ZC3H12B: variants seen among roughly 807,000 people sequenced by gnomAD.
ZC3H12B encodes zinc finger CCCH-type containing 12B.
In ZC3H12B, 7 loss-of-function variants were observed where a neutral mutation model predicts 43.9. The observed-to-expected ratio is 0.16, with a 90% CI of 0.09 to 0.30. ZC3H12B has a LOEUF of 0.30. ZC3H12B is among the 10% of genes least tolerant of loss of function. The pLI, the probability that ZC3H12B is intolerant of heterozygous loss-of-function variation, is 1.00. For missense variants in ZC3H12B, 475 were observed against 670.2 expected, an observed-to-expected ratio of 0.71 and a Z score of 3.22; for synonymous variants, 222 against 241.7, an observed-to-expected ratio of 0.92 and a Z score of 0.76.
the ZC3H12B span, among the ~76,000 whole-genome samples, chrX:65,233,479 CAAAT>C: frequency 9.3e-6 from 1 of 107,532 alleles, no homozygotes; most frequent in Admixed American, 1.0e-4. Flanking sequence ...GGAAATTAAA[CAAAT>C]GTGCTCCTGA....
the ZC3H12B span, among the ~76,000 whole-genome samples, chrX:65,265,735 G>A: frequency 9.0e-6 from 1 of 111,521 alleles, no homozygotes; most frequent in African/African-American, 3.3e-5. Context: ...TGTTTCTGTT[G>A]TTTGTAACTT....
In ZC3H12B at chrX:65,408,473, C is replaced by T. The variant is rs986793442; in HGVS notation, n.407+9769C>T. ...CATCGGGCAGCAGCAGTTGCAAGCT[C>T]AGCATCTTTCTTATGGCCACGGACC... On this transcript the variant is annotated intron_variant and non_coding_transcript_variant, in intron 3 of 5. Transcript: ENST00000617377. 59 of 1,209,491 alleles carry T rather than the reference C, an allele frequency of 4.9e-5. No homozygotes were observed. The Middle Eastern group carries it at 1.2e-3, about 24-fold the overall frequency.
At chrX:65,215,233 C>G in the ZC3H12B span, among the ~76,000 whole-genome samples, 9 of 111,704 alleles carry the variant, frequency 8.1e-5, no homozygotes, top group Non-Finnish European at 1.5e-4. Flanking sequence ...TAGCCCCTAA[C>G]AAGAGTCATC....
chrX:65,488,221 G>A (rs760705793), upstream of ZC3H12B, among the ~76,000 whole-genome samples: 74 of 110,922 alleles, frequency 6.7e-4, no homozygotes, highest in African/African-American at 2.0e-3. Context: ...AGGATATGGT[G>A]TGGGATCTGG....
the ZC3H12B span, among the ~76,000 whole-genome samples, chrX:65,095,262 G>A: frequency 9.0e-6 from 1 of 111,723 alleles, no homozygotes; most frequent in East Asian, 2.8e-4. Flanking sequence ...TGATGTTACA[G>A]AATCATGAGT....
At chrX:65,369,856 C>A (rs1008002214) in intron 2 of ZC3H12B, among the ~76,000 whole-genome samples, 1 of 111,898 alleles carries the variant, frequency 8.9e-6, no homozygotes, top group South Asian at 3.7e-4. Flanking sequence ...TTAATTCTGA[C>A]TGATTCTAGA....
chrX:65,257,545 T>C, the ZC3H12B span, among the ~76,000 whole-genome samples: 1 of 110,662 alleles, frequency 9.0e-6, no homozygotes, highest in South Asian at 3.9e-4. Flanking sequence ...GGCACATGTA[T>C]ACCTATGTAA....
At chrX:65,169,698 C>G in the ZC3H12B span, among the ~76,000 whole-genome samples, 3 of 111,888 alleles carry the variant, frequency 2.7e-5, no homozygotes, top group Non-Finnish European at 5.6e-5. Flanking sequence ...TATGGACTTA[C>G]TTTATGAATC....
At chrX:65,426,736 C>T (rs758976203) in intron 3 of ZC3H12B, among the ~76,000 whole-genome samples, 2 of 111,939 alleles carry the variant, frequency 1.8e-5, no homozygotes, top group Non-Finnish European at 3.8e-5. Flanking sequence ...ACCCAAGAGT[C>T]ATTCAGTAGA....
the ZC3H12B span, among the ~76,000 whole-genome samples, chrX:65,272,083 G>A: frequency 3.7e-4 from 41 of 109,439 alleles, no homozygotes; most frequent in African/African-American, 1.2e-3. Flanking sequence ...GCATGGTGGC[G>A]GGTGCCTGTA....
chrX:65,405,267 T>C (rs1191026692), intron 3 of ZC3H12B, among the ~76,000 whole-genome samples: 1 of 112,386 alleles, frequency 8.9e-6, no homozygotes, highest in Non-Finnish European at 1.9e-5. Context: ...AACAATCTAA[T>C]GATACATCTT....
At chrX:65,314,508 TG>T in the ZC3H12B span, among the ~76,000 whole-genome samples, 1 of 112,026 alleles carries the variant, frequency 8.9e-6, no homozygotes, top group Non-Finnish European at 1.9e-5. Flanking sequence ...ATTGTTAAAG[TG>T]CTGAATAAAT....
chrX:65,254,999 C>T, the ZC3H12B span, among the ~76,000 whole-genome samples: 3 of 109,899 alleles, frequency 2.7e-5, no homozygotes, highest in Non-Finnish European at 5.7e-5. Context: ...TAACTCAGAC[C>T]AAAAAATAAA....
At chrX:65,246,588 G>A in the ZC3H12B span, among the ~76,000 whole-genome samples, 1 of 111,900 alleles carries the variant, frequency 8.9e-6, no homozygotes, top group Admixed American at 9.5e-5. Context: ...ACAGAATAGA[G>A]AACCCAGAAA....
the ZC3H12B span, among the ~76,000 whole-genome samples, chrX:65,266,887 G>A: frequency 0.016 from 1,754 of 110,542 alleles, 36 homozygotes; most frequent in African/African-American, 0.053. Context: ...CCAGGGCAAG[G>A]GACAATAGTC....
At chrX:65,173,484 G>A in the ZC3H12B span, among the ~76,000 whole-genome samples, 41 of 111,475 alleles carry the variant, frequency 3.7e-4, no homozygotes, top group African/African-American at 1.3e-3. Context: ...TAGAGAGGGC[G>A]TCCTTGTCTT....
At chrX:65,329,853 A>G in the ZC3H12B span, among the ~76,000 whole-genome samples, 314 of 106,567 alleles carry the variant, frequency 2.9e-3, 3 homozygotes, top group Middle Eastern at 0.014. Context: ...AAGATCAGAT[A>G]GTTGTAGATA....
chrX:65,405,789 A>T (rs1272103499), intron 3 of ZC3H12B, among the ~76,000 whole-genome samples: 1 of 112,231 alleles, frequency 8.9e-6, no homozygotes, highest in East Asian at 2.8e-4. Context: ...TTCAAATAAA[A>T]GCATTAGAAA....
the ZC3H12B span, among the ~76,000 whole-genome samples, chrX:65,253,195 T>C: frequency 9.0e-6 from 1 of 110,986 alleles, no homozygotes; most frequent in Non-Finnish European, 1.9e-5. Flanking sequence ...AGAGGAGTCA[T>C]TGAGAATGGA....
Sources: allele counts gnomAD v4.1 joint callset (sites outside exome capture counted in the v4.1 genomes callset), GRCh38; gene constraint gnomAD v4.1.1; transcripts MANE v1.5; gene names NCBI Gene and HGNC (gene_info 2026-07-23, HGNC 2026-07-21).